The following FADS3 variants were observed in gnomAD, a reference collection of about 807,000 sequenced individuals.
FADS3 encodes fatty acid desaturase 3, also known as cytochrome b5-related protein.
Under a neutral mutation model 60.4 loss-of-function variants are expected in FADS3, and 30 were observed. The ratio of observed to expected loss-of-function variants is 0.50; its 90% CI spans 0.37 to 0.67. The LOEUF (loss-of-function observed/expected upper bound fraction) is 0.67. FADS3 is among the 30% of genes least tolerant of loss of function. FADS3 has a pLI of 0.00. For synonymous variants in FADS3, 234 were observed against 249.3 expected, an observed-to-expected ratio of 0.94 and a Z score of 0.58; for missense variants, 432 against 598.3, an observed-to-expected ratio of 0.72 and a Z score of 2.90.
rs1472459076 is a variant in FADS3, at chr11:61,880,169, G to C, written c.214-18C>G. 6.2e-7 allele frequency: 1 copy of C among 1,604,212 alleles called. No individual in the cohort carries two copies. Among genetic ancestry groups the C allele is most frequent in the South Asian group, 1.1e-5 (1 of 90,792 alleles). On this transcript the variant is annotated intron_variant, in intron 1 of 11. Transcript: ENST00000278829. ...AAGGCATCCTGAAGGAGAGCAGACA[G>C]TCAGGCGGACAGACAGACACAGCTG...
At position 61,879,508 on chromosome 11, in the gene FADS3, G is replaced by A. The variant is rs201237872; in HGVS notation, c.326C>T (p.Ala109Val). ...EEPSQDGPLN[A>V]QLVEDFRALH... ...GGCTCGGAAGTCCTCGACCAGCTGC[G>A]CCTGCCATAGCAGAGGGGCCGATCA... Residue 109 changes from alanine (A) to valine (V), a missense_variant and splice_region_variant, in exon 3 of 12, where the codon GCG becomes GTG. Ala to Val is a moderately conservative substitution (Grantham distance 64). Transcript: ENST00000278829. The A allele has an allele frequency of 3.2e-5, 50 of 1,560,350 alleles. No individual in the cohort carries two copies. The Admixed American group carries it at 4.8e-4, about 15-fold the overall frequency.
At chr11:61,888,229 C>T (rs1421638981) in intron 1 of FADS3, among the ~76,000 whole-genome samples, 2 of 152,242 alleles carry the variant, frequency 1.3e-5, no homozygotes, top group African/African-American at 4.8e-5. Context: ...CTGGGAATTT[C>T]CTGGCAGGAA....
chr11:61,878,380 G>C (rs940486155), intron 5 of FADS3, 132 bp downstream of exon 5: 22 of 1,416,018 alleles, frequency 1.6e-5, no homozygotes, highest in Non-Finnish European at 2.2e-5. Flanking sequence ...AAAGACACGG[G>C]GGCAGAGCTT....
At position 61,878,730 on chromosome 11, in the gene FADS3, C is replaced by T; in HGVS notation, c.624+16G>A. On this transcript the variant is annotated intron_variant, in intron 4 of 11. Coordinates refer to ENST00000278829, the MANE Select transcript of FADS3 (RefSeq NM_021727.5). Reference sequence around the variant, plus strand: ...GCGCCACCCAGCACCTGGCTGACCACCCACCCCACCCTCACCTTTAGCTGC... The same window carrying T: ...GCGCCACCCAGCACCTGGCTGACCATCCACCCCACCCTCACCTTTAGCTGC... 1.2e-6 allele frequency: 2 copies of T among 1,613,200 alleles called. No homozygotes were observed. The highest frequency in any genetic ancestry group is 1.7e-6 in the Non-Finnish European group (2 of 1,179,390).
chr11:61,891,034 G>T, intron 1 of FADS3, 135 bp downstream of exon 1: 1 of 788,450 alleles, frequency 1.3e-6, no homozygotes, highest in South Asian at 1.7e-5. Context: ...CCCAACTCTG[G>T]GTCCCGGCGT....
At chr11:61,878,398 C>A in intron 5 of FADS3, 114 bp downstream of exon 5, 1 of 1,485,196 alleles carries the variant, frequency 6.7e-7, no homozygotes, top group Non-Finnish European at 9.2e-7. Flanking sequence ...CTTGGCCCAG[C>A]CAGAGTGGAG....
chr11:61,887,502 A>G (rs1445364454), intron 1 of FADS3, among the ~76,000 whole-genome samples: 1 of 152,162 alleles, frequency 6.6e-6, no homozygotes, highest in Non-Finnish European at 1.5e-5. Flanking sequence ...AAATAAAGCC[A>G]AAGTCCTTCC....
In FADS3 at chr11:61,891,466, C is replaced by G; in HGVS notation, c.-85G>C. ...GGGAAGCGAAGAGCGCTCCCGGGCGCCGCCTCCGCCGCCGCCCGCTGCTCC... is the reference window on the plus strand; with the variant it reads ...GGGAAGCGAAGAGCGCTCCCGGGCGGCGCCTCCGCCGCCGCCCGCTGCTCC... On this transcript the variant is annotated 5_prime_UTR_variant, in exon 1 of 12. Transcript: ENST00000278829. 1 of 935,868 alleles carries G rather than the reference C, an allele frequency of 1.1e-6. No individual in the cohort carries two copies. The highest frequency in any genetic ancestry group is 1.4e-6 in the Non-Finnish European group (1 of 711,224). The allele number at this position is 935,868 out of a possible 1,614,324, so 58.0% of individuals were successfully genotyped here.
chr11:61,884,414 C>T (rs1032585570), intron 1 of FADS3, among the ~76,000 whole-genome samples: 2 of 152,164 alleles, frequency 1.3e-5, no homozygotes, highest in African/African-American at 4.8e-5. Context: ...CACCATGGCA[C>T]ATGTATACCT....
At chr11:61,878,464 C>A (rs368190921) in intron 5 of FADS3, 48 bp downstream of exon 5, 69 of 1,597,568 alleles carry the variant, frequency 4.3e-5, no homozygotes, top group Non-Finnish European at 5.2e-5. Flanking sequence ...TTAGCTCCCC[C>A]TCAGCTGCAG....
Position 61,878,699 on chromosome 11 carries a change from GACCCAGCGCC to G in FADS3, c.624+37_624+46del, listed in dbSNP as rs752912955. 5.6e-6 allele frequency: 9 copies of G among 1,611,924 alleles called. No individual in the cohort carries two copies. In the African/African-American group the frequency reaches 9.3e-5, roughly 17 times the overall value. ...CCGACTGTGCCCACACACTTGGGCA[GACCCAGCGCC>G]ACCCAGCACCTGGCTGACCACCCAC... On this transcript the variant is annotated intron_variant, in intron 4 of 11. Coordinates refer to ENST00000278829, the MANE Select transcript of FADS3 (RefSeq NM_021727.5).
Position 61,876,388 on chromosome 11 carries a change from C to A in FADS3, c.1051G>T (p.Glu351Ter). ...MNHIPKEIGH[E>*]KHRDWVSSQL... Reference sequence around the variant, plus strand: ...GAGCTGACCCAGTCCCGGTGCTTCTCGTGGCCGATCTCCTTGGGGATGTGG... The same window carrying A: ...GAGCTGACCCAGTCCCGGTGCTTCTAGTGGCCGATCTCCTTGGGGATGTGG... The change falls in exon 9 of 12, where the codon GAG becomes TAG. Residue 351 changes from glutamate to a stop codon, truncating the protein, a stop_gained. Coordinates refer to ENST00000278829, the MANE Select transcript of FADS3 (RefSeq NM_021727.5). LOFTEE classifies it high-confidence loss of function. The surrounding 1 kb of genome is among the most constrained non-coding windows in gnomAD (Gnocchi z 5.7). 6.2e-7 allele frequency: 1 copy of A among 1,613,388 alleles called. No homozygotes were observed. The highest frequency in any genetic ancestry group is 8.5e-7 in the Non-Finnish European group (1 of 1,180,030).
At chr11:61,879,916 C>T (rs1160149600) in intron 2 of FADS3, 125 bp downstream of exon 2, 17 of 741,788 alleles carry the variant, frequency 2.3e-5, no homozygotes, top group Non-Finnish European at 3.5e-5. Context: ...GCAGGCTCAG[C>T]CCTGGCTCTG....
Position 61,879,387 on chromosome 11 carries a change from G to A in FADS3, c.447C>T (p.Ala149=). 1 of 1,580,664 alleles carries A rather than the reference G, an allele frequency of 6.3e-7. No homozygotes were observed. The highest frequency in any genetic ancestry group is 8.6e-7 in the Non-Finnish European group (1 of 1,163,802). Residue 149 remains alanine (A), a synonymous_variant, in exon 3 of 12, where the codon GCC becomes GCT. Transcript: ENST00000278829. ...LGHILAMEVL[A]WLLIYLLGPG... is the part of the protein sequence containing the mutation. ...GACCCAGGAGGTAGATAAGGAGCCA[G>A]GCCAGCACCTCCATGGCCAGGATGT...
At chr11:61,883,443 C>G (rs1938203109) in intron 1 of FADS3, among the ~76,000 whole-genome samples, 1 of 152,158 alleles carries the variant, frequency 6.6e-6, no homozygotes, top group African/African-American at 2.4e-5. Flanking sequence ...TTGAAACTCC[C>G]CAGACACACA....
Position 61,876,041 on chromosome 11 carries a change from G to T in FADS3, c.1161-65C>A. ...ATTCCAGAGAGAGGCCCCACCCACG[G>T]GTCCCCTCCCAGGATCCCCTCCCAG... On this transcript the variant is annotated intron_variant, in intron 10 of 11. Coordinates refer to ENST00000278829, the MANE Select transcript of FADS3 (RefSeq NM_021727.5). This position sits in a 1 kb window ranked among gnomAD's most constrained non-coding sequence, Gnocchi z 5.7. The T allele has an allele frequency of 6.2e-7, 1 of 1,610,816 alleles. No homozygotes were observed. The highest frequency in any genetic ancestry group is 8.5e-7 in the Non-Finnish European group (1 of 1,178,420).
intron 1 of FADS3, chr11:61,881,525 T>G (rs1038127556): frequency 2.0e-5 from 3 of 152,196 alleles, no homozygotes; most frequent in Non-Finnish European, 2.9e-5. Context: ...AACCAGTAGC[T>G]GGGTGGTGTT....
chr11:61,880,212 C>A (rs1442396669), intron 1 of FADS3, 61 bp from the exon 2 acceptor site: 1 of 1,366,432 alleles, frequency 7.3e-7, no homozygotes, highest in East Asian at 2.3e-5. Context: ...CAGCGGCAAC[C>A]AGCAGAGACA....
In FADS3 at chr11:61,876,806, G is replaced by A; in HGVS notation, c.983+60C>T. On this transcript the variant is annotated intron_variant, in intron 8 of 11. Transcript: ENST00000278829. This position sits in a 1 kb window ranked among gnomAD's most constrained non-coding sequence, Gnocchi z 5.7. ...CAGACGGGAAAAGGGAAGCTCTGGTGGGGGGCTGCAGTGGGGGTCACCTGT... is the reference window on the plus strand; with the variant it reads ...CAGACGGGAAAAGGGAAGCTCTGGTAGGGGGCTGCAGTGGGGGTCACCTGT... The A allele has an allele frequency of 7.8e-7, 1 of 1,290,256 alleles. No homozygotes were observed. Among genetic ancestry groups the A allele is most frequent in the Non-Finnish European group, 1.1e-6 (1 of 907,160 alleles). The allele number at this position is 1,290,256 out of a possible 1,614,324, so 79.9% of individuals were successfully genotyped here. A position where few individuals can be genotyped will look rare whatever the true frequency, so the allele number is the denominator to read the frequency against.
Sources: gnomAD v4.1 joint callset for allele counts (sites outside exome capture counted in the v4.1 genomes callset) on GRCh38, gnomAD v4.1.1 for gene constraint, Gnocchi (gnomAD v3.1) non-coding constraint, MANE v1.5 for transcripts, NCBI Gene and HGNC (gene_info 2026-07-23, HGNC 2026-07-21) for gene names.